Variants in GANC observed in about 807,000 individuals in gnomAD.
The protein encoded by GANC is glucosidase alpha, neutral C, also known as neutral alpha-glucosidase C.
Under a neutral mutation model 124.2 loss-of-function variants are expected in GANC, and 117 were observed. The ratio of observed to expected loss-of-function variants is 0.94; its 90% CI spans 0.81 to 1.10. The LOEUF (loss-of-function observed/expected upper bound fraction) is 1.10, where lower values mean the gene tolerates loss of function less well. Among genes scored for constraint, GANC ranks in the 50% least tolerant of loss-of-function variants. The pLI, the probability that GANC is intolerant of heterozygous loss-of-function variation, is 0.00. For missense variants in GANC, 1,140 were observed against 1,095.0 expected, an observed-to-expected ratio of 1.04 and a Z score of -0.58; for synonymous variants, 377 against 376.8, an observed-to-expected ratio of 1.00 and a Z score of -0.01.
chr15:42,315,989 T>G (rs1379022188), intron 10 of GANC, among the ~76,000 whole-genome samples: 1 of 152,088 alleles, frequency 6.6e-6, no homozygotes, highest in Non-Finnish European at 1.5e-5. Context: ...TCTCTGTGTA[T>G]GTATACATAT....
chr15:42,329,538 T>G, intron 14 of GANC, 89 bp downstream of exon 14: 11 of 1,342,044 alleles, frequency 8.2e-6, no homozygotes, highest in African/African-American at 1.5e-5. Context: ...GGCTATTCTC[T>G]ACTGTTCATT....
Position 42,274,502 on chromosome 15 carries a change from G to T in GANC, c.21G>T (p.Glu7Asp). 1 of 1,610,152 alleles carries T rather than the reference G, an allele frequency of 6.2e-7. No homozygotes were observed. Among genetic ancestry groups the T allele is most frequent in the Non-Finnish European group, 8.5e-7 (1 of 1,178,414 alleles). The stretch of plus-strand genomic sequence containing the variant: ...AAGCCATGGAAGCAGCAGTGAAAGA[G>T]GAAATAAGGTAAAGGCCAAGTGCTT... MEAAVK[E>D]EISLEDEAVD... Residue 7 changes from glutamate to aspartate, a missense_variant, in exon 1 of 24, where the codon GAG (glutamate) becomes GAT (aspartate). Physicochemically the swap from Glu to Asp is conservative, Grantham distance 45. Transcript: ENST00000318010.
At position 42,352,332 on chromosome 15, in the gene GANC, C is replaced by G; in HGVS notation, c.*193C>G. 7.1e-7 allele frequency: 1 copy of G among 1,399,722 alleles called. No homozygotes were observed. The highest frequency in any genetic ancestry group is 9.3e-7 in the Non-Finnish European group (1 of 1,078,006). The allele number at this position is 1,399,722 out of a possible 1,614,324, so 86.7% of individuals were successfully genotyped here. A position where few individuals can be genotyped will look rare whatever the true frequency, so the allele number is the denominator to read the frequency against. On this transcript the variant is annotated 3_prime_UTR_variant, in exon 24 of 24. Coordinates refer to ENST00000318010, the MANE Select transcript of GANC (RefSeq NM_198141.3). ...TTCAGATTTTACATGTTAAGATGTA[C>G]TAACAATATTCCTTGTATCAAACAT...
At chr15:42,274,978 T>G (rs1261947665) in intron 1 of GANC, among the ~76,000 whole-genome samples, 1 of 152,230 alleles carries the variant, frequency 6.6e-6, no homozygotes, top group Non-Finnish European at 1.5e-5. Flanking sequence ...TCAGGCATGT[T>G]GCTTTCCAAA....
chr15:42,351,217 C>G lies in GANC; in HGVS notation c.2532-112C>G, dbSNP rs559191441. On this transcript the variant is annotated intron_variant, in intron 22 of 23. Coordinates refer to ENST00000318010, the MANE Select transcript of GANC (RefSeq NM_198141.3). ...TAGTAAATATGACTCCCATATGGAT[C>G]ATGCCTCCAAGGGACAGATGGGAGA... The G allele has an allele frequency of 4.1e-4, 297 of 720,614 alleles. No individual in the cohort carries two copies. The African/African-American group carries it at 4.9e-3, about 12-fold the overall frequency. The allele number at this position is 720,614 out of a possible 1,614,324, so 44.6% of individuals were successfully genotyped here.
intron 10 of GANC, among the ~76,000 whole-genome samples, chr15:42,312,180 T>C (rs2052056744): frequency 6.6e-6 from 1 of 152,338 alleles, no homozygotes; most frequent in Non-Finnish European, 1.5e-5. Flanking sequence ...TGATCTTCCA[T>C]AGAATTGCAC....
rs143206228 is a variant in GANC, at chr15:42,287,760, C to T, written c.271C>T (p.Pro91Ser). ...IFRLKINEET[P>S]LKPRFEVPDV... is the part of the protein sequence containing the mutation. ...CAGGCTTAAAATTAATGAAGAGACT[C>T]CTCTAAAACCCAGATTTGAAGTTCC... Residue 91 changes from proline to serine, a missense_variant, in exon 4 of 24, where the codon CCT becomes TCT. Coordinates refer to ENST00000318010, the MANE Select transcript of GANC (RefSeq NM_198141.3). The T allele has an allele frequency of 7.9e-5, 127 of 1,613,142 alleles. No individual in the cohort carries two copies. The highest frequency in any genetic ancestry group is 3.5e-4 in the South Asian group (32 of 91,046).
Position 42,321,458 on chromosome 15 carries a change from G to T in GANC, c.1058-327G>T, listed in dbSNP as rs191861630. 2.3e-3 allele frequency among the ~76,000 whole-genome samples: 351 copies of T among 152,202 alleles called. 2 individuals carry two copies. Among genetic ancestry groups the T allele is most frequent in the Admixed American group, 4.5e-3 (68 of 15,280 alleles). ...GGTATATTCCCACTAACTCTACAAG[G>T]TCCAAACCAGGTTTTATCTCCTCTG... is the stretch of plus-strand genomic sequence containing the variant. On this transcript the variant is annotated intron_variant, in intron 10 of 23. Coordinates refer to ENST00000318010, the MANE Select transcript of GANC (RefSeq NM_198141.3).
rs528368015 is a variant in GANC at position 42,351,978 on chromosome 15, T to C, written c.2636-52T>C. On this transcript the variant is annotated intron_variant, in intron 23 of 23. Transcript: ENST00000318010. The stretch of plus-strand genomic sequence containing the variant: ...ATTTCAGATTTGGAGAAAAGACTTT[T>C]CCCTTCTAGAGATTCATCAAAATTT... 1.5e-5 allele frequency: 24 copies of C among 1,604,902 alleles called. No individual in the cohort carries two copies. In the South Asian group the frequency reaches 2.5e-4, roughly 16 times the overall value.
In GANC at chr15:42,339,763, C is replaced by T. The variant is rs1022135531; in HGVS notation, c.1938C>T (p.Ala646=). The part of the protein sequence containing the change: ...GAYQPFFRGH[A]TMNTKRREPW... ...ACCAGCCCTTCTTCCGTGGCCATGC[C>T]ACCATGAACACCAAGCGACGAGAGC... The change falls in exon 17 of 24, where the codon GCC becomes GCT. Residue 646 remains alanine, a synonymous_variant. Coordinates refer to ENST00000318010, the MANE Select transcript of GANC (RefSeq NM_198141.3). The T allele has an allele frequency of 1.9e-6, 3 of 1,614,052 alleles. No individual in the cohort carries two copies. In the African/African-American group the frequency reaches 4.0e-5, roughly 22 times the overall value.
At chr15:42,304,905 A>G (rs916690241) in intron 6 of GANC, among the ~76,000 whole-genome samples, 1 of 152,238 alleles carries the variant, frequency 6.6e-6, no homozygotes, top group Non-Finnish European at 1.5e-5. Flanking sequence ...CTGTCTAGCC[A>G]TGTGCAGAAA....
At chr15:42,319,515 TTTTA>T (rs145522791) in intron 10 of GANC, among the ~76,000 whole-genome samples, 137,461 of 151,128 alleles carry the variant, frequency 0.91, 63,869 homozygotes, top group Non-Finnish European at 1. Flanking sequence ...AGCTAATTCT[TTTTA>T]TTTATTTATT....
rs1049551028 is a variant in GANC, at chr15:42,353,473, C to T, written c.*1334C>T. ...CTGTCCCACTTATAACTGTGCTCTACTTAGCATTCTCAGGGATCATACCTT... is the reference window on the plus strand; with the variant it reads ...CTGTCCCACTTATAACTGTGCTCTATTTAGCATTCTCAGGGATCATACCTT... On this transcript the variant is annotated 3_prime_UTR_variant, in exon 24 of 24. Coordinates refer to ENST00000318010, the MANE Select transcript of GANC (RefSeq NM_198141.3). 4.3e-6 allele frequency: 4 copies of T among 930,058 alleles called. No homozygotes were observed. In the African/African-American group the frequency reaches 7.2e-5, roughly 17 times the overall value. 57.6% of individuals were successfully genotyped at this position (930,058 alleles called of 1,614,324 possible). A position where few individuals can be genotyped will look rare whatever the true frequency, so the allele number is the denominator to read the frequency against.
intron 19 of GANC, chr15:42,344,975 T>C (rs1372314348): frequency 6.6e-6 from 1 of 152,210 alleles, no homozygotes; most frequent in Admixed American, 6.5e-5. Context: ...TTTCTCTTGC[T>C]TCACAAACCT....
chr15:42,313,966 A>ACAACAACAACAC, intron 10 of GANC: 1 of 654,088 alleles, frequency 1.5e-6, no homozygotes, highest in Non-Finnish European at 2.7e-6. Flanking sequence ...AACAACAGCA[A>ACAACAACAACAC]CAACAACAAC....
In GANC at chr15:42,274,236, C is replaced by T. The variant is rs974833409; in HGVS notation, c.-246C>T. 8.1e-6 allele frequency: 4 copies of T among 495,022 alleles called. No individual in the cohort carries two copies. The highest frequency in any genetic ancestry group is 1.4e-5 in the Non-Finnish European group (4 of 277,098). The allele number at this position is 495,022 out of a possible 1,614,324, so 30.7% of individuals were successfully genotyped here. On this transcript the variant is annotated 5_prime_UTR_variant, in exon 1 of 24. Coordinates refer to ENST00000318010, the MANE Select transcript of GANC (RefSeq NM_198141.3). ...CTAACAAAAGCACGTTCCTCATCAGCCACCCATAATCAAGACAAATTTGCC... is the reference window on the plus strand; with the variant it reads ...CTAACAAAAGCACGTTCCTCATCAGTCACCCATAATCAAGACAAATTTGCC...
At position 42,273,408 on chromosome 15, in the gene GANC, C is replaced by G. The variant is rs200378857; in HGVS notation, c.-1074C>G. 1.2e-6 allele frequency: 2 copies of G among 1,613,774 alleles called. No individual in the cohort carries two copies. The highest frequency in any genetic ancestry group is 1.3e-5 in the African/African-American group (1 of 75,052). On this transcript the variant is annotated 5_prime_UTR_variant, in exon 1 of 24. Transcript: ENST00000318010. ...ACGCAGCCGCCGCCATCTTCACAGC[C>G]GTGGAGTGCCTACCGAAAGCATTTC... is the stretch of plus-strand genomic sequence containing the variant.
At chr15:42,327,157 T>A (rs1266341838) in intron 12 of GANC, among the ~76,000 whole-genome samples, 1 of 152,230 alleles carries the variant, frequency 6.6e-6, no homozygotes, top group South Asian at 2.1e-4. Flanking sequence ...TCCCCTGGGC[T>A]TCTGGTATTG....
chr15:42,294,412 A>G (rs1393584826), intron 5 of GANC, among the ~76,000 whole-genome samples: 1 of 150,926 alleles, frequency 6.6e-6, no homozygotes, highest in African/African-American at 2.5e-5. Context: ...TGTCTCTAGT[A>G]AAAATACAAA....
Sources: gnomAD v4.1 joint callset for allele counts (sites outside exome capture counted in the v4.1 genomes callset) on GRCh38, gnomAD v4.1.1 for gene constraint, MANE v1.5 for transcripts, NCBI Gene and HGNC (gene_info 2026-07-23, HGNC 2026-07-21) for gene names.